Variants in CCDC7 observed in about 807,000 individuals in gnomAD.
CCDC7 encodes coiled-coil domain-containing protein 7.
In CCDC7, 183 loss-of-function variants were observed where a neutral mutation model predicts 196.9. The ratio of observed to expected loss-of-function variants is 0.93; its 90% CI spans 0.82 to 1.05. The LOEUF (loss-of-function observed/expected upper bound fraction) is 1.05. Ranked by LOEUF, CCDC7 falls within the 50% of genes least tolerant of loss-of-function variation. The pLI is 0.00. For missense variants in CCDC7, 1,540 were observed against 1,482.2 expected (o/e 1.04, Z -0.64); for synonymous variants, 525 against 484.6 (o/e 1.08, Z -1.10).
intron 2 of CCDC7, among the ~76,000 whole-genome samples, chr10:32,454,691 C>G (rs1408154051): frequency 6.6e-6 from 1 of 152,102 alleles, no homozygotes; most frequent in Non-Finnish European, 1.5e-5. Flanking sequence ...CTTTATTTTA[C>G]TGAATTTCTT....
chr10:32,536,512 G>A (rs1432241107), intron 11 of CCDC7, among the ~76,000 whole-genome samples: 2 of 152,024 alleles, frequency 1.3e-5, no homozygotes, highest in Admixed American at 6.6e-5. Context: ...CTCACACTTC[G>A]GTTAACTTTT....
chr10:32,470,264 T>C (rs898112175), intron 5 of CCDC7, among the ~76,000 whole-genome samples: 4 of 152,204 alleles, frequency 2.6e-5, no homozygotes, highest in Admixed American at 2.6e-4. Flanking sequence ...AGCATAAGGA[T>C]TGGAGATGTC....
chr10:32,766,564 C>T (rs573589649), intron 28 of CCDC7, among the ~76,000 whole-genome samples: 2 of 152,134 alleles, frequency 1.3e-5, no homozygotes, highest in South Asian at 4.1e-4. Context: ...TCATTCTCTG[C>T]AAATAATTAT....
intron 29 of CCDC7, among the ~76,000 whole-genome samples, chr10:32,785,353 T>A (rs530128824): frequency 6.6e-6 from 1 of 152,310 alleles, no homozygotes; most frequent in Non-Finnish European, 1.5e-5. Context: ...CTGCACAATT[T>A]AAAATCCTAT....
At chr10:32,684,952 ATTTAATT>A (rs2076288381) in intron 21 of CCDC7, among the ~76,000 whole-genome samples, 1 of 45,262 alleles carries the variant, frequency 2.2e-5, no homozygotes, top group Non-Finnish European at 4.2e-5. Context: ...TTGTGATTTA[ATTTAATT>A]TTTTTTTTTT....
intron 30 of CCDC7, among the ~76,000 whole-genome samples, chr10:32,810,031 T>C (rs1242447410): frequency 6.6e-6 from 1 of 151,986 alleles, no homozygotes; most frequent in African/African-American, 2.4e-5. Context: ...ATATACACCA[T>C]GGATGTGGAA....
At chr10:32,692,269 C>A (rs1231820211) in intron 23 of CCDC7, among the ~76,000 whole-genome samples, 1 of 152,180 alleles carries the variant, frequency 6.6e-6, no homozygotes, top group Non-Finnish European at 1.5e-5. Context: ...GGGCCAGGAG[C>A]AATAACCACA....
At chr10:32,720,119 A>G (rs2082181902) in intron 25 of CCDC7, among the ~76,000 whole-genome samples, 1 of 152,204 alleles carries the variant, frequency 6.6e-6, no homozygotes, top group Admixed American at 6.5e-5. Context: ...ACTATTCACA[A>G]TAGCAAAGAC....
At chr10:32,799,541 C>T (rs4565813) in intron 29 of CCDC7, among the ~76,000 whole-genome samples, 6,467 of 152,178 alleles carry the variant, frequency 0.042, 461 homozygotes, top group African/African-American at 0.15. Context: ...CCAAATAGGC[C>T]CACTAGGTGT....
At chr10:32,511,900 T>C (rs1053491918) in intron 9 of CCDC7, 4 of 609,754 alleles carry the variant, frequency 6.6e-6, no homozygotes, top group Non-Finnish European at 1.2e-5. Flanking sequence ...AATAAAGTGA[T>C]TTAAAAGTAT....
rs185395815 is a variant in CCDC7, at chr10:32,484,510, G to A, written c.797-7412G>A. On this transcript the variant is annotated intron_variant, in intron 8 of 41. Transcript: ENST00000639629. ...TATTTCTTTCTCTTGCCTTATTGCC[G>A]TGGCCAGAACTTCCAATACTATGTT... Among the ~76,000 whole-genome samples, 7 of 152,050 alleles carry A rather than the reference G, an allele frequency of 4.6e-5. No homozygotes were observed. The East Asian group carries it at 5.8e-4, about 13-fold the overall frequency.
downstream of CCDC7, among the ~76,000 whole-genome samples, chr10:32,878,888 GTT>G (rs1312941046): frequency 6.6e-6 from 1 of 152,134 alleles, no homozygotes; most frequent in Non-Finnish European, 1.5e-5. Context: ...TGGGAAGTCT[GTT>G]TTGGTATATA....
intron 16 of CCDC7, among the ~76,000 whole-genome samples, chr10:32,573,224 A>G (rs1300328960): frequency 2.6e-5 from 4 of 152,172 alleles, no homozygotes; most frequent in Non-Finnish European, 5.9e-5. Flanking sequence ...ATGGAATGCT[A>G]CTATAGTTTT....
chr10:32,513,462 A>C (rs1020760766), intron 9 of CCDC7: 2 of 152,132 alleles, frequency 1.3e-5, no homozygotes, highest in East Asian at 3.9e-4. Flanking sequence ...CTAAAAAATT[A>C]AAGAGTTCAC....
At chr10:32,715,484 G>A (rs957551026) in intron 25 of CCDC7, among the ~76,000 whole-genome samples, 3 of 152,170 alleles carry the variant, frequency 2.0e-5, no homozygotes, top group Non-Finnish European at 4.4e-5. Flanking sequence ...ATGCCAGAAT[G>A]CCTCTTCTCC....
intron 25 of CCDC7, among the ~76,000 whole-genome samples, chr10:32,714,712 G>T (rs2081325465): frequency 1.3e-5 from 2 of 152,164 alleles, no homozygotes; most frequent in Admixed American, 1.3e-4. Flanking sequence ...TTGGTGGGGG[G>T]AGGGGTGTCG....
chr10:32,810,133 A>G (rs958753303), intron 30 of CCDC7, among the ~76,000 whole-genome samples: 2 of 152,176 alleles, frequency 1.3e-5, no homozygotes, highest in Non-Finnish European at 2.9e-5. Flanking sequence ...AAAGAAAGAA[A>G]CAAAGGATAA....
intron 18 of CCDC7, among the ~76,000 whole-genome samples, chr10:32,633,971 C>T (rs2065251499): frequency 6.6e-6 from 1 of 151,764 alleles, no homozygotes; most frequent in Non-Finnish European, 1.5e-5. Context: ...ATCTCTCCTT[C>T]ATTCTTATCT....
intron 28 of CCDC7, among the ~76,000 whole-genome samples, chr10:32,765,668 G>T (rs975177120): frequency 1.3e-5 from 2 of 151,966 alleles, no homozygotes; most frequent in African/African-American, 4.8e-5. Context: ...AAATGTAGAG[G>T]TTGTGATTTC....
Sources: allele counts gnomAD v4.1 joint callset (sites outside exome capture counted in the v4.1 genomes callset), GRCh38; gene constraint gnomAD v4.1.1; transcripts MANE v1.5; gene names NCBI Gene and HGNC (gene_info 2026-07-23, HGNC 2026-07-21).